CHRNB4: variants seen among roughly 807,000 people sequenced by gnomAD.
CHRNB4 encodes neuronal acetylcholine receptor subunit beta-4.
CHRNB4 carries 23 observed loss-of-function variants against 40.4 expected under a neutral mutation model. That is an observed-to-expected ratio of 0.57 (90% confidence interval 0.41 to 0.81). The LOEUF is 0.81. CHRNB4 is among the 30% of genes least tolerant of loss of function. The pLI is 0.00. For missense variants in CHRNB4, 568 were observed against 670.6 expected, an observed-to-expected ratio of 0.85 and a Z score of 1.69; for synonymous variants, 285 against 274.4, an observed-to-expected ratio of 1.04 and a Z score of -0.38.
upstream of CHRNB4, among the ~76,000 whole-genome samples, chr15:78,643,674 A>G (rs1288813986): frequency 1.3e-5 from 2 of 152,188 alleles, no homozygotes; most frequent in Non-Finnish European, 2.9e-5. Context: ...ATTGGAAAGA[A>G]AAAACTACCT....
At chr15:78,649,955 G>C (rs775503397) in intron 6 of CHRNB4, among the ~76,000 whole-genome samples, 3 of 152,204 alleles carry the variant, frequency 2.0e-5, no homozygotes, top group Non-Finnish European at 4.4e-5. Flanking sequence ...CCAGGTGTTT[G>C]TTATGTGGGT....
At chr15:78,632,743 A>G (rs1411743818) in intron 2 of CHRNB4, among the ~76,000 whole-genome samples, 2 of 152,114 alleles carry the variant, frequency 1.3e-5, no homozygotes, top group African/African-American at 4.8e-5. Flanking sequence ...AACATGTTGG[A>G]TACTCCATAA....
rs532562142 is a variant in CHRNB4, at chr15:78,647,655, G to A, written c.46+1724C>T. Reference sequence around the variant, plus strand: ...AGGTCAGGAGATCGAGACCATCCTGGCTAACATGGTGAAACCCCGTCTCTA... The same window carrying A: ...AGGTCAGGAGATCGAGACCATCCTGACTAACATGGTGAAACCCCGTCTCTA... On this transcript the variant is annotated intron_variant and NMD_transcript_variant, in intron 7 of 11. Coordinates refer to the CHRNB4 transcript ENST00000559849. Among the ~76,000 whole-genome samples the A allele has an allele frequency of 1.4e-4, 21 of 144,858 alleles. No individual in the cohort carries two copies. The South Asian group carries it at 4.3e-3, about 30-fold the overall frequency.
intron 1 of CHRNB4, 36 bp downstream of exon 1, chr15:78,641,043 C>G (rs763398940): frequency 1.3e-5 from 20 of 1,552,722 alleles, no homozygotes; most frequent in Admixed American, 5.8e-5. Context: ...CAGCCCAACC[C>G]AGGCGCCCCT....
intron 1 of CHRNB4, among the ~76,000 whole-genome samples, chr15:78,637,008 G>C (rs57728226): frequency 0.28 from 42,585 of 152,078 alleles, 7,209 homozygotes; most frequent in Non-Finnish European, 0.4. Context: ...GAGATGGAGG[G>C]GATTTTCCGG....
chr15:78,624,793 A>T lies in CHRNB4; in HGVS notation c.*340T>A. On this transcript the variant is annotated 3_prime_UTR_variant, in exon 6 of 6. Coordinates refer to ENST00000261751, the MANE Select transcript of CHRNB4 (RefSeq NM_000750.5). The stretch of plus-strand genomic sequence containing the variant: ...ACTGGACAAGGGGAAGTGGAGAGAG[A>T]TGGTGATGGAGAGGCAGGCCGGCAC... 1.8e-6 allele frequency: 1 copy of T among 558,294 alleles called. No homozygotes were observed. The highest frequency in any genetic ancestry group is 3.1e-6 in the Non-Finnish European group (1 of 324,752). 34.6% of individuals were successfully genotyped at this position (558,294 alleles called of 1,614,324 possible).
intron 5 of CHRNB4, among the ~76,000 whole-genome samples, chr15:78,625,606 A>G (rs1484050337): frequency 6.6e-6 from 1 of 152,212 alleles, no homozygotes; most frequent in Non-Finnish European, 1.5e-5. Context: ...AAATCTGGTT[A>G]TACATAGGAG....
chr15:78,639,170 A>G (rs2054018863), intron 1 of CHRNB4, among the ~76,000 whole-genome samples: 1 of 152,254 alleles, frequency 6.6e-6, no homozygotes, highest in Non-Finnish European at 1.5e-5. Context: ...AACTACAGAA[A>G]GTAACAGTTA....
In CHRNB4 at chr15:78,629,394, A is replaced by G; in HGVS notation, c.911T>C (p.Val304Ala). ...LIGKYLMFTM[V>A]LVTFSIVTSV... The stretch of plus-strand genomic sequence containing the variant: ...GGTGACGATGGAGAAGGTGACCAGC[A>G]CCATGGTGAACATGAGGTACTTGCC... Residue 304 changes from valine to alanine, a missense_variant, in exon 5 of 6, where the codon GTG becomes GCG. By Grantham distance (64) the Val-to-Ala change is moderately conservative (BLOSUM62 0). Transcript: ENST00000261751. The surrounding 1 kb of genome is among the most constrained non-coding windows in gnomAD (Gnocchi z 6.8). The G allele has an allele frequency of 6.2e-7, 1 of 1,614,156 alleles. No individual in the cohort carries two copies.
At chr15:78,649,763 G>A (rs1044787239) in intron 6 of CHRNB4, among the ~76,000 whole-genome samples, 1 of 151,940 alleles carries the variant, frequency 6.6e-6, no homozygotes, top group African/African-American at 2.4e-5. Flanking sequence ...TTGCACGAGT[G>A]ATAAACTCTA....
At chr15:78,653,393 G>A (rs2054188605) in intron 5 of CHRNB4, among the ~76,000 whole-genome samples, 2 of 152,162 alleles carry the variant, frequency 1.3e-5, no homozygotes, top group Admixed American at 6.6e-5. Flanking sequence ...AGCCGGCCCT[G>A]ATTCCTCTCA....
At chr15:78,643,912 G>A (rs2054101996), upstream of CHRNB4, among the ~76,000 whole-genome samples, 1 of 151,790 alleles carries the variant, frequency 6.6e-6, no homozygotes. Context: ...GCCTTTGGGA[G>A]GCTGAGGCGG....
chr15:78,655,889 T>C (rs188483899), intron 4 of CHRNB4, among the ~76,000 whole-genome samples: 2 of 152,208 alleles, frequency 1.3e-5, no homozygotes, highest in African/African-American at 4.8e-5. Context: ...TCTCCATTTA[T>C]TTAGTTCCTC....
intron 1 of CHRNB4, among the ~76,000 whole-genome samples, chr15:78,639,329 T>TC (rs1413288281): frequency 6.6e-6 from 1 of 152,198 alleles, no homozygotes; most frequent in Non-Finnish European, 1.5e-5. Flanking sequence ...GGAGTCTTGA[T>TC]CTGTCGCCCA....
rs1454105726 is a variant in CHRNB4 at position 78,625,005 on chromosome 15, T to C, written c.*128A>G. The C allele has an allele frequency of 6.3e-7, 1 of 1,595,016 alleles. No individual in the cohort carries two copies. ...TCCTTGCCTGTTCCACGGCTGTGGC[T>C]GGTTTGATGGGGTTGATGGCCAATG... is the stretch of plus-strand genomic sequence containing the variant. On this transcript the variant is annotated 3_prime_UTR_variant, in exon 6 of 6. Transcript: ENST00000261751.
At position 78,624,748 on chromosome 15, in the gene CHRNB4, A is replaced by C. The variant is rs2053611587; in HGVS notation, c.*385T>G. The C allele has an allele frequency of 6.8e-6, 3 of 441,668 alleles. No individual in the cohort carries two copies. The highest frequency in any genetic ancestry group is 6.0e-5 in the African/African-American group (3 of 50,226). The allele number at this position is 441,668 out of a possible 1,614,324, so 27.4% of individuals were successfully genotyped here. A position where few individuals can be genotyped will look rare whatever the true frequency, so the allele number is the denominator to read the frequency against. On this transcript the variant is annotated 3_prime_UTR_variant, in exon 6 of 6. Coordinates refer to ENST00000261751, the MANE Select transcript of CHRNB4 (RefSeq NM_000750.5). ...AATGCCAAGCCTCTGAGCTGGGAAG[A>C]ATCTAGAAGTGTGTGAGGAACTGGA...
intron 5 of CHRNB4, chr15:78,655,434 A>ATCTATATCTATATCTATATATATC (rs2054205196): frequency 7.9e-5 from 11 of 139,358 alleles, no homozygotes; most frequent in Admixed American, 7.8e-4. Flanking sequence ...ATCTATATCT[A>ATCTATATCTATATCTATATATATC]TATATATCTA....
In CHRNB4 at chr15:78,631,063, C is replaced by T. The variant is rs1374675903; in HGVS notation, c.359+13G>A. 6.2e-7 allele frequency: 1 copy of T among 1,610,690 alleles called. No individual in the cohort carries two copies. The highest frequency in any genetic ancestry group is 8.5e-7 in the Non-Finnish European group (1 of 1,177,338). ...CTGGCTGTCACCAGGCCTCCACCAA[C>T]CCTGCCACTCACTTGTTGTAAAGCA... On this transcript the variant is annotated intron_variant, in intron 4 of 5. Transcript: ENST00000261751.
At chr15:78,660,295 C>T (rs1037099233) in intron 1 of CHRNB4, among the ~76,000 whole-genome samples, 21 of 152,232 alleles carry the variant, frequency 1.4e-4, no homozygotes, top group African/African-American at 5.1e-4. Flanking sequence ...GTAGCCCTGT[C>T]CCACAAGGAG....
Sources: gnomAD v4.1 joint callset for allele counts (sites outside exome capture counted in the v4.1 genomes callset) on GRCh38, gnomAD v4.1.1 for gene constraint, Gnocchi (gnomAD v3.1) non-coding constraint, MANE v1.5 for transcripts, NCBI Gene and HGNC (gene_info 2026-07-23, HGNC 2026-07-21) for gene names.